ERBB4: variants seen among roughly 807,000 people sequenced by gnomAD.
The protein encoded by ERBB4 is erb-b2 receptor tyrosine kinase 4, also known as receptor tyrosine-protein kinase erbB-4.
Under a neutral mutation model 158.0 loss-of-function variants are expected in ERBB4, and 42 were observed. The ratio of observed to expected loss-of-function variants is 0.27; its 90% CI spans 0.21 to 0.34. ERBB4 has a LOEUF of 0.34. Ranked by LOEUF, ERBB4 falls within the 10% of genes least tolerant of loss-of-function variation. The pLI is 1.00. For missense variants in ERBB4, 1,333 were observed against 1,624.1 expected, an observed-to-expected ratio of 0.82 and a Z score of 3.08; for synonymous variants, 583 against 558.7, an observed-to-expected ratio of 1.04 and a Z score of -0.61.
At chr2:211,905,596 C>T (rs888710625) in intron 3 of ERBB4, among the ~76,000 whole-genome samples, 1 of 136,712 alleles carries the variant, frequency 7.3e-6, no homozygotes, top group Non-Finnish European at 1.6e-5. Flanking sequence ...TGTATAAATA[C>T]ATAAAAACTA....
At chr2:211,846,482 C>G (rs2077592591) in intron 3 of ERBB4, among the ~76,000 whole-genome samples, 1 of 152,036 alleles carries the variant, frequency 6.6e-6, no homozygotes, top group Admixed American at 6.6e-5. Flanking sequence ...GTCCTCTCAG[C>G]TTAAATATTA....
At chr2:211,599,017 A>G (rs753225986) in intron 19 of ERBB4, among the ~76,000 whole-genome samples, 5 of 152,138 alleles carry the variant, frequency 3.3e-5, no homozygotes, top group African/African-American at 9.7e-5. Flanking sequence ...TGTATCACCT[A>G]TTTTACAGAT....
chr2:211,758,871 C>G (rs534411219), intron 4 of ERBB4, among the ~76,000 whole-genome samples: 126 of 152,308 alleles, frequency 8.3e-4, no homozygotes, highest in Non-Finnish European at 1.5e-3. Flanking sequence ...CTCATATAAC[C>G]TGAATAGTCT....
At chr2:212,197,936 A>G (rs888111978) in intron 1 of ERBB4, among the ~76,000 whole-genome samples, 1 of 152,162 alleles carries the variant, frequency 6.6e-6, no homozygotes, top group African/African-American at 2.4e-5. Context: ...TTTTAATTTC[A>G]TGTAGTTAAG....
chr2:212,005,530 G>T (rs2076239579), intron 2 of ERBB4, among the ~76,000 whole-genome samples: 1 of 152,158 alleles, frequency 6.6e-6, no homozygotes, highest in Non-Finnish European at 1.5e-5. Flanking sequence ...GCTTTCTGGA[G>T]GAGGTGATAA....
chr2:211,380,127 G>A lies in ERBB4; in HGVS notation c.*3488C>T. ...TGATTTTAGTTTGTGTGTTTTAATA[G>A]AAATTTGAGTTTTGCGTTGTTTTTC... On this transcript the variant is annotated 3_prime_UTR_variant, in exon 28 of 28. Coordinates refer to ENST00000342788, the MANE Select transcript of ERBB4 (RefSeq NM_005235.3). The A allele has an allele frequency of 4.3e-6, 1 of 232,042 alleles. No individual in the cohort carries two copies. The highest frequency in any genetic ancestry group is 8.5e-6 in the Non-Finnish European group (1 of 117,372). The allele number at this position is 232,042 out of a possible 1,614,324, so 14.4% of individuals were successfully genotyped here.
At chr2:212,022,148 TTGACTCAGCA>T (rs149557752) in intron 2 of ERBB4, among the ~76,000 whole-genome samples, 12,215 of 152,180 alleles carry the variant, frequency 0.08, 521 homozygotes, top group South Asian at 0.12. Context: ...GAAATACCAT[TTGACTCAGCA>T]TGACTCAGCA....
At chr2:212,143,980 C>T (rs191449338) in intron 1 of ERBB4, among the ~76,000 whole-genome samples, 2 of 151,410 alleles carry the variant, frequency 1.3e-5, no homozygotes, top group East Asian at 3.9e-4. Flanking sequence ...GATCACACCA[C>T]TGCATTCCGG....
intron 1 of ERBB4, among the ~76,000 whole-genome samples, chr2:212,455,571 AG>A (rs1304373478): frequency 6.6e-6 from 1 of 151,762 alleles, no homozygotes; most frequent in Non-Finnish European, 1.5e-5. Context: ...TAAAAAAAAA[AG>A]TTTTGCTGTG....
intron 16 of ERBB4, among the ~76,000 whole-genome samples, chr2:211,635,235 A>G (rs985984484): frequency 6.6e-6 from 1 of 152,194 alleles, no homozygotes; most frequent in African/African-American, 2.4e-5. Flanking sequence ...TGTGACTTGG[A>G]AATAGTATTA....
At chr2:212,499,090 T>A (rs1014745620) in intron 1 of ERBB4, among the ~76,000 whole-genome samples, 1 of 152,088 alleles carries the variant, frequency 6.6e-6, no homozygotes, top group East Asian at 1.9e-4. Context: ...TTTCCTGAAT[T>A]ATTCAGATTA....
At chr2:212,033,846 T>TA (rs1340197686) in intron 2 of ERBB4, among the ~76,000 whole-genome samples, 1 of 151,892 alleles carries the variant, frequency 6.6e-6, no homozygotes, top group Admixed American at 6.6e-5. Flanking sequence ...ATGTGTAAAA[T>TA]AGAGATATTA....
chr2:211,642,015 G>C (rs538334876), intron 16 of ERBB4, among the ~76,000 whole-genome samples: 1 of 152,078 alleles, frequency 6.6e-6, no homozygotes, highest in African/African-American at 2.4e-5. Flanking sequence ...AAATAGTTAA[G>C]TGGGATATTT....
Position 211,379,266 on chromosome 2 carries a change from A to G in ERBB4, c.*4349T>C. On this transcript the variant is annotated 3_prime_UTR_variant, in exon 28 of 28. Transcript: ENST00000342788. ...CTCTGCATAAGGTAATAGAACATTT[A>G]CATTTTCTTTACTTCATCTTGAAGA... is the stretch of plus-strand genomic sequence containing the variant. The G allele has an allele frequency of 4.4e-6, 1 of 229,176 alleles. No individual in the cohort carries two copies. Among genetic ancestry groups the G allele is most frequent in the Non-Finnish European group, 8.6e-6 (1 of 115,658 alleles). 14.2% of individuals were successfully genotyped at this position (229,176 alleles called of 1,614,324 possible). A position where few individuals can be genotyped will look rare whatever the true frequency, so the allele number is the denominator to read the frequency against.
chr2:212,456,428 T>C (rs977758962), intron 1 of ERBB4, among the ~76,000 whole-genome samples: 1 of 151,908 alleles, frequency 6.6e-6, no homozygotes, highest in Non-Finnish European at 1.5e-5. Flanking sequence ...AAGTGACAAG[T>C]AGAAGAAATA....
intron 19 of ERBB4, among the ~76,000 whole-genome samples, chr2:211,617,496 T>C (rs1404661777): frequency 5.3e-5 from 8 of 152,062 alleles, no homozygotes; most frequent in Non-Finnish European, 1.0e-4. Context: ...GAAACAATAT[T>C]TAGTTTTTGG....
At chr2:212,264,891 T>C (rs1230788840) in intron 1 of ERBB4, among the ~76,000 whole-genome samples, 1 of 152,066 alleles carries the variant, frequency 6.6e-6, no homozygotes, top group Middle Eastern at 3.2e-3. Flanking sequence ...CTGAAATAAA[T>C]AAACTCTGGA....
intron 16 of ERBB4, among the ~76,000 whole-genome samples, chr2:211,654,495 G>A (rs1484364134): frequency 1.3e-5 from 2 of 152,154 alleles, no homozygotes; most frequent in Non-Finnish European, 2.9e-5. Context: ...GAGTAATTTT[G>A]ATATATCAAT....
At chr2:212,091,789 G>C (rs555124417) in intron 2 of ERBB4, among the ~76,000 whole-genome samples, 29 of 151,886 alleles carry the variant, frequency 1.9e-4, no homozygotes, top group Non-Finnish European at 3.4e-4. Context: ...TCTTTTGTTT[G>C]CCCATATTTT....
Sources: gnomAD v4.1 joint callset for allele counts (sites outside exome capture counted in the v4.1 genomes callset) on GRCh38, gnomAD v4.1.1 for gene constraint, MANE v1.5 for transcripts, NCBI Gene and HGNC (gene_info 2026-07-23, HGNC 2026-07-21) for gene names.